Variants in EPHA5 observed in about 807,000 individuals in gnomAD.
The protein encoded by EPHA5 is EPH receptor A5.
EPHA5 carries 60 observed loss-of-function variants against 105.0 expected under a neutral mutation model. The observed-to-expected ratio is 0.57, with a 90% CI of 0.46 to 0.71. EPHA5 has a LOEUF of 0.71. EPHA5 is among the 30% of genes least tolerant of loss of function. EPHA5 has a pLI of 0.00. For synonymous variants in EPHA5, 513 were observed against 449.1 expected, an observed-to-expected ratio of 1.14 and a Z score of -1.80; for missense variants, 1,218 against 1,274.7, an observed-to-expected ratio of 0.96 and a Z score of 0.68.
rs2149020795 is a variant in EPHA5 at position 65,414,444 on chromosome 4, C to T, written c.1528-1G>A. ...TAATCGTGTAGCTGGTCTCTTGGTC[C>T]TTGGGATGCGCATGCATATACAATA... is the stretch of plus-strand genomic sequence containing the variant. On this transcript the variant is annotated splice_acceptor_variant, in intron 6 of 16. Transcript: ENST00000613740. LOFTEE classifies it high-confidence loss of function. 1.9e-6 allele frequency: 3 copies of T among 1,613,634 alleles called. No individual in the cohort carries two copies. Among genetic ancestry groups the T allele is most frequent in the Non-Finnish European group, 2.5e-6 (3 of 1,179,722 alleles).
chr4:65,408,170 AAAAT>A (rs1455118592), intron 7 of EPHA5, among the ~76,000 whole-genome samples: 1 of 152,158 alleles, frequency 6.6e-6, no homozygotes, highest in African/African-American at 2.4e-5. Flanking sequence ...AACTCAGGTG[AAAAT>A]AAATAATTTA....
At position 65,340,948 on chromosome 4, in the gene EPHA5, C is replaced by T. The variant is rs188850418; in HGVS notation, c.2596-4823G>A. ...CAAGGATAATAAGACTCCTTTAGAA[C>T]GGCATTTCTACTCCATAGCTTGCAA... On this transcript the variant is annotated intron_variant, in intron 14 of 16. Transcript: ENST00000613740. Among the ~76,000 whole-genome samples the T allele has an allele frequency of 7.0e-4, 106 of 152,194 alleles. 2 individuals are homozygous for T. The highest frequency in any genetic ancestry group is 1.0e-3 in the South Asian group (5 of 4,826).
intron 11 of EPHA5, among the ~76,000 whole-genome samples, chr4:65,360,670 T>A (rs1717208609): frequency 1.3e-5 from 2 of 151,628 alleles, no homozygotes. Flanking sequence ...ATGCAAGATC[T>A]GATTTTCAAA....
chr4:65,563,552 A>C (rs1271922278), intron 3 of EPHA5, among the ~76,000 whole-genome samples: 1 of 152,034 alleles, frequency 6.6e-6, no homozygotes, highest in Non-Finnish European at 1.5e-5. Context: ...TTAAATACTT[A>C]GTTGGCAGAT....
intron 2 of EPHA5, among the ~76,000 whole-genome samples, chr4:65,618,044 A>G (rs991962353): frequency 6.6e-6 from 1 of 152,162 alleles, no homozygotes; most frequent in Non-Finnish European, 1.5e-5. Context: ...GAATGTTAAA[A>G]TTATTTGATG....
intron 3 of EPHA5, among the ~76,000 whole-genome samples, chr4:65,508,215 C>A (rs1285922997): frequency 6.6e-6 from 1 of 151,982 alleles, no homozygotes; most frequent in Non-Finnish European, 1.5e-5. Context: ...AGCTTAATGG[C>A]CTGTGTATTT....
At position 65,322,610 on chromosome 4, in the gene EPHA5, GTCT is replaced by G; in HGVS notation, c.*1501_*1503del. ...TGCATAATTTGTATCACAAATATAA[GTCT>G]TCATCATGTGTGGTATATAGAGCAT... On this transcript the variant is annotated 3_prime_UTR_variant, in exon 17 of 17. Coordinates refer to ENST00000613740, the MANE Select transcript of EPHA5 (RefSeq NM_001281766.3). 4.5e-6 allele frequency: 1 copy of G among 224,490 alleles called. No homozygotes were observed. Among genetic ancestry groups the G allele is most frequent in the Non-Finnish European group, 8.9e-6 (1 of 112,550 alleles). 13.9% of individuals were successfully genotyped at this position (224,490 alleles called of 1,614,324 possible).
At chr4:65,330,547 A>T in intron 16 of EPHA5, 1 of 432,748 alleles carries the variant, frequency 2.3e-6, no homozygotes, top group Admixed American at 6.4e-5. Flanking sequence ...TTAATAACAA[A>T]AGAGACATTG....
intron 3 of EPHA5, among the ~76,000 whole-genome samples, chr4:65,533,194 C>T (rs924908229): frequency 6.6e-6 from 1 of 152,072 alleles, no homozygotes; most frequent in Non-Finnish European, 1.5e-5. Context: ...TTGTGTACTC[C>T]TTCTCCTTGG....
chr4:65,506,684 C>T (rs1328102126), intron 3 of EPHA5, among the ~76,000 whole-genome samples: 1 of 150,120 alleles, frequency 6.7e-6, no homozygotes, highest in Non-Finnish European at 1.5e-5. Context: ...TGAGAAGTGT[C>T]TGTTCATATC....
chr4:65,614,444 C>T (rs1745047393), intron 2 of EPHA5, among the ~76,000 whole-genome samples: 1 of 151,728 alleles, frequency 6.6e-6, no homozygotes, highest in Admixed American at 6.6e-5. Context: ...GCAAACTGAA[C>T]TCTTGATATG....
chr4:65,384,547 C>T (rs1341551966), intron 8 of EPHA5, among the ~76,000 whole-genome samples: 1 of 151,816 alleles, frequency 6.6e-6, no homozygotes, highest in African/African-American at 2.4e-5. Context: ...TGCCAACAAC[C>T]TCCAAATCTG....
chr4:65,469,417 T>C (rs553100295), intron 5 of EPHA5, among the ~76,000 whole-genome samples: 30 of 152,162 alleles, frequency 2.0e-4, no homozygotes, highest in Non-Finnish European at 3.5e-4. Flanking sequence ...AAATGATTAG[T>C]ATGAGGTGTA....
chr4:65,509,070 G>A (rs1184153745), intron 3 of EPHA5, among the ~76,000 whole-genome samples: 1 of 152,092 alleles, frequency 6.6e-6, no homozygotes, highest in South Asian at 2.1e-4. Flanking sequence ...ACTGGCTAAT[G>A]AAGTTCATTT....
chr4:65,543,438 T>A (rs1377200679), intron 3 of EPHA5, among the ~76,000 whole-genome samples: 1 of 151,568 alleles, frequency 6.6e-6, no homozygotes, highest in Non-Finnish European at 1.5e-5. Context: ...AATAGACAAG[T>A]AGAGAGCCAA....
chr4:65,417,287 A>C (rs1241790101), intron 6 of EPHA5, among the ~76,000 whole-genome samples: 2 of 152,254 alleles, frequency 1.3e-5, no homozygotes, highest in Non-Finnish European at 2.9e-5. Flanking sequence ...AAAGCCATCC[A>C]ATAAATGGTG....
intron 5 of EPHA5, among the ~76,000 whole-genome samples, chr4:65,437,868 T>A (rs961911972): frequency 2.0e-5 from 3 of 151,950 alleles, no homozygotes; most frequent in African/African-American, 7.2e-5. Flanking sequence ...ATTTCCATGT[T>A]AAAAATTTAA....
chr4:65,623,447 T>C (rs969886600), intron 2 of EPHA5, among the ~76,000 whole-genome samples: 2 of 152,036 alleles, frequency 1.3e-5, no homozygotes, highest in Non-Finnish European at 2.9e-5. Flanking sequence ...AGAAAGAAAA[T>C]AGTTCTCTTC....
At chr4:65,445,818 C>A (rs972712298) in intron 5 of EPHA5, among the ~76,000 whole-genome samples, 1 of 152,108 alleles carries the variant, frequency 6.6e-6, no homozygotes. Context: ...ACCTCAGGAG[C>A]AAAGCTAACA....
Sources: gnomAD v4.1 joint callset for allele counts (sites outside exome capture counted in the v4.1 genomes callset) on GRCh38, gnomAD v4.1.1 for gene constraint, MANE v1.5 for transcripts, NCBI Gene and HGNC (gene_info 2026-07-23, HGNC 2026-07-21) for gene names.